Variants in CDYL2 observed in about 807,000 individuals in gnomAD.
CDYL2 encodes the protein chromodomain Y like 2.
A neutral mutation model predicts 49.4 loss-of-function variants in CDYL2; 23 were observed. The ratio of observed to expected loss-of-function variants is 0.47; its 90% CI spans 0.34 to 0.66. CDYL2 has a LOEUF of 0.66. CDYL2 is among the 30% of genes least tolerant of loss of function. The pLI is 0.01. For missense variants in CDYL2, 678 were observed against 656.4 expected (o/e 1.03, Z -0.36); for synonymous variants, 360 against 268.8 (o/e 1.34, Z -3.32).
intron 1 of CDYL2, among the ~76,000 whole-genome samples, chr16:80,772,226 A>G (rs1323283318): frequency 6.6e-6 from 1 of 152,220 alleles, no homozygotes; most frequent in Non-Finnish European, 1.5e-5. Context: ...AATAAAAAAG[A>G]GTGTTTTTTA....
At position 80,684,625 on chromosome 16, in the gene CDYL2, G is replaced by T. The variant is rs1346677875; in HGVS notation, c.529C>A (p.Pro177Thr). ...ERHFGNGSHQPGLDLNDHVGE... is the reference protein window; with the variant it reads ...ERHFGNGSHQTGLDLNDHVGE... Reference sequence around the variant, plus strand: ...ACATGATCATTCAAATCCAAGCCAGGCTGATGGGACCCATTTCCAAAGTGC... The same window carrying T: ...ACATGATCATTCAAATCCAAGCCAGTCTGATGGGACCCATTTCCAAAGTGC... The change falls in exon 2 of 7, where the codon CCT becomes ACT. Residue 177 changes from proline to threonine, a missense_variant. Around this residue, in one of 3 missense-constraint regions of CDYL2, gnomAD observed 478 missense variants for 427.0 expected, o/e 1.12. Transcript: ENST00000570137. 1 of 1,614,168 alleles carries T rather than the reference G, an allele frequency of 6.2e-7. No homozygotes were observed. The highest frequency in any genetic ancestry group is 1.7e-5 in the Admixed American group (1 of 60,026).
intron 1 of CDYL2, among the ~76,000 whole-genome samples, chr16:80,758,310 G>A (rs571306389): frequency 6.6e-6 from 1 of 150,404 alleles, no homozygotes; most frequent in East Asian, 1.9e-4. Context: ...ACATATAGAA[G>A]TAATAATAAC....
intron 1 of CDYL2, among the ~76,000 whole-genome samples, chr16:80,778,853 T>C (rs1324379105): frequency 6.6e-6 from 1 of 152,074 alleles, no homozygotes; most frequent in Non-Finnish European, 1.5e-5. Flanking sequence ...ATTTCATCAA[T>C]GACAAATCGG....
chr16:80,755,087 C>T (rs1246402864), intron 1 of CDYL2, among the ~76,000 whole-genome samples: 1 of 152,124 alleles, frequency 6.6e-6, no homozygotes, highest in African/African-American at 2.4e-5. Context: ...GGACTTCAGC[C>T]CTCACCTCCC....
intron 1 of CDYL2, among the ~76,000 whole-genome samples, chr16:80,789,658 A>G (rs1230704921): frequency 1.3e-5 from 2 of 152,220 alleles, no homozygotes; most frequent in African/African-American, 4.8e-5. Context: ...GAGCAAAGTC[A>G]TGAAACCAAT....
chr16:80,789,922 T>A (rs1907555902), intron 1 of CDYL2, among the ~76,000 whole-genome samples: 1 of 151,928 alleles, frequency 6.6e-6, no homozygotes, highest in African/African-American at 2.4e-5. Context: ...GGAAAGAAGA[T>A]GTGAGGGGGA....
At chr16:80,765,671 T>C (rs933842116) in intron 1 of CDYL2, among the ~76,000 whole-genome samples, 5 of 126,104 alleles carry the variant, frequency 4.0e-5, no homozygotes, top group Admixed American at 3.7e-4. Flanking sequence ...CAAATGTCCA[T>C]CAACTGAAAA....
chr16:80,656,339 A>C (rs2142427748), intron 2 of CDYL2, among the ~76,000 whole-genome samples: 1 of 152,370 alleles, frequency 6.6e-6, no homozygotes, highest in Middle Eastern at 3.4e-3. Context: ...CATTCCAGGC[A>C]CAGAGGGGAC....
chr16:80,736,694 T>C (rs1257799621), intron 1 of CDYL2, among the ~76,000 whole-genome samples: 1 of 152,202 alleles, frequency 6.6e-6, no homozygotes, highest in Non-Finnish European at 1.5e-5. Flanking sequence ...GAGGATCACT[T>C]GAGTCTAGGA....
intron 1 of CDYL2, among the ~76,000 whole-genome samples, chr16:80,784,579 A>G (rs1387842517): frequency 6.6e-6 from 1 of 152,224 alleles, no homozygotes; most frequent in Non-Finnish European, 1.5e-5. Flanking sequence ...TCAGGGTAAG[A>G]GCAGGAAAAA....
At chr16:80,705,249 A>G (rs1310185229) in intron 1 of CDYL2, among the ~76,000 whole-genome samples, 1 of 152,212 alleles carries the variant, frequency 6.6e-6, no homozygotes, top group African/African-American at 2.4e-5. Context: ...CTCCCTTTGC[A>G]GTCTTCCACA....
rs755084138 is a variant in CDYL2 at position 80,684,513 on chromosome 16, C to G, written c.616+25G>C. ...CCCTTTCGCCATGGCCAGAGCCAAACCCAAGAGAAAGAAAAGCTACAAACC... is the reference window on the plus strand; with the variant it reads ...CCCTTTCGCCATGGCCAGAGCCAAAGCCAAGAGAAAGAAAAGCTACAAACC... On this transcript the variant is annotated intron_variant, in intron 2 of 6. Coordinates refer to ENST00000570137, the MANE Select transcript of CDYL2 (RefSeq NM_152342.4). The G allele has an allele frequency of 2.5e-6, 4 of 1,596,280 alleles. No homozygotes were observed. In the Admixed American group the frequency reaches 5.1e-5, roughly 20 times the overall value.
intron 2 of CDYL2, among the ~76,000 whole-genome samples, chr16:80,676,231 G>A: frequency 6.6e-6 from 1 of 152,200 alleles, no homozygotes; most frequent in East Asian, 1.9e-4. Flanking sequence ...TTGCCACCCT[G>A]TGAAAGACAA....
intron 1 of CDYL2, among the ~76,000 whole-genome samples, chr16:80,754,492 G>A (rs1005356231): frequency 2.0e-5 from 3 of 152,158 alleles, no homozygotes; most frequent in East Asian, 1.9e-4. Flanking sequence ...ACCAGAATCC[G>A]AGAACCGTCA....
At chr16:80,777,334 T>G (rs1001184631) in intron 1 of CDYL2, among the ~76,000 whole-genome samples, 1 of 150,824 alleles carries the variant, frequency 6.6e-6, no homozygotes, top group African/African-American at 2.4e-5. Context: ...TAATTAAAAG[T>G]AGAAAAAAAG....
chr16:80,617,062 T>A (rs578213818), intron 4 of CDYL2, among the ~76,000 whole-genome samples: 4 of 152,222 alleles, frequency 2.6e-5, no homozygotes, highest in Non-Finnish European at 5.9e-5. Context: ...TTGTCACCTA[T>A]GACAAGTTCA....
intron 1 of CDYL2, among the ~76,000 whole-genome samples, chr16:80,701,325 T>C (rs1904299805): frequency 6.6e-6 from 1 of 152,186 alleles, no homozygotes; most frequent in Non-Finnish European, 1.5e-5. Context: ...TTAACAATGG[T>C]TTTCTCTAAG....
chr16:80,745,846 TC>T (rs1905910378), intron 1 of CDYL2, among the ~76,000 whole-genome samples: 1 of 152,114 alleles, frequency 6.6e-6, no homozygotes, highest in Non-Finnish European at 1.5e-5. Flanking sequence ...ACTTATGTTG[TC>T]CCTCTTGACC....
intron 1 of CDYL2, among the ~76,000 whole-genome samples, chr16:80,729,496 A>G (rs1905261330): frequency 6.6e-6 from 1 of 152,176 alleles, no homozygotes; most frequent in Non-Finnish European, 1.5e-5. Context: ...CCACACAGTA[A>G]TAATGGGAGA....
Sources: gnomAD v4.1 joint callset for allele counts (sites outside exome capture counted in the v4.1 genomes callset) on GRCh38, gnomAD v4.1.1 for gene constraint, gnomAD v4.1.1 regional missense constraint, MANE v1.5 for transcripts, NCBI Gene and HGNC (gene_info 2026-07-23, HGNC 2026-07-21) for gene names.